The following AKAIN1 variants were observed in gnomAD, a reference collection of about 807,000 sequenced individuals.
The protein encoded by AKAIN1 is A-kinase anchor inhibitor 1, also known as A-kinase anchor protein inhibitor 1.
Under a neutral mutation model 3.7 loss-of-function variants are expected in AKAIN1, and 3 were observed. The ratio of observed to expected loss-of-function variants is 0.82; its 90% confidence interval spans 0.37 to 2.12. AKAIN1 has a LOEUF of 2.12. Ranked by LOEUF, AKAIN1 falls within the 30% of genes most tolerant of loss-of-function variation. The probability of loss-of-function intolerance (pLI) is 0.06; values close to 1 mark genes in which losing one functional copy is unlikely to be tolerated. For synonymous variants in AKAIN1, 31 were observed against 30.8 expected, an observed-to-expected ratio of 1.01 and a Z score of -0.02; for missense variants, 82 against 82.7, an observed-to-expected ratio of 0.99 and a Z score of 0.03.
At position 5,186,766 on chromosome 18, in the gene AKAIN1, C is replaced by T. The variant is rs1598316219; in HGVS notation, c.16+10272G>A. Among the ~76,000 whole-genome samples, 4 of 152,188 alleles carry T rather than the reference C, an allele frequency of 2.6e-5. No individual in the cohort carries two copies. In the South Asian group the frequency reaches 8.3e-4, roughly 32 times the overall value. On this transcript the variant is annotated intron_variant, in intron 1 of 1. Transcript: ENST00000434239. ...TGTTTTAAAGTGCATGTAAAACATT[C>T]ACCAAGATAGACCACATTCTGGCTT...
intron 1 of AKAIN1, among the ~76,000 whole-genome samples, chr18:5,179,976 C>T (rs1415102598): frequency 2.0e-5 from 3 of 152,104 alleles, no homozygotes; most frequent in African/African-American, 7.2e-5. Flanking sequence ...CCATGCTTGG[C>T]CCAGTGGTGC....
At chr18:5,146,200 T>G (rs2071048345) in intron 1 of AKAIN1, among the ~76,000 whole-genome samples, 1 of 152,188 alleles carries the variant, frequency 6.6e-6, no homozygotes. Context: ...AGAGACAGTT[T>G]CTAGAAAAGA....
At chr18:5,166,290 A>G (rs2071167401) in intron 1 of AKAIN1, among the ~76,000 whole-genome samples, 1 of 151,998 alleles carries the variant, frequency 6.6e-6, no homozygotes, top group African/African-American at 2.4e-5. Context: ...CTGTTTTGTC[A>G]CAACAAAATG....
intron 1 of AKAIN1, among the ~76,000 whole-genome samples, chr18:5,167,589 A>G (rs1204292835): frequency 6.6e-6 from 1 of 152,078 alleles, no homozygotes; most frequent in Non-Finnish European, 1.5e-5. Context: ...TGAGTTTATA[A>G]CAGAGGTGAT....
chr18:5,172,406 A>C (rs292325), intron 1 of AKAIN1, among the ~76,000 whole-genome samples: 1 of 152,066 alleles, frequency 6.6e-6, no homozygotes, highest in African/African-American at 2.4e-5. Flanking sequence ...AAAATATCTC[A>C]TGTAGCCCAT....
intron 1 of AKAIN1, among the ~76,000 whole-genome samples, chr18:5,195,825 T>C (rs2071344218): frequency 6.6e-6 from 1 of 152,072 alleles, no homozygotes; most frequent in Admixed American, 6.5e-5. Context: ...TTGAGTTATT[T>C]AGGATGGGCA....
rs76690663 is a variant in AKAIN1, at chr18:5,170,068, G to T, written c.17-24313C>A. Among the ~76,000 whole-genome samples, 541 of 152,206 alleles carry T rather than the reference G, an allele frequency of 3.6e-3. 3 individuals carry two copies. The highest frequency in any genetic ancestry group is 0.012 in the African/African-American group (518 of 41,552). On this transcript the variant is annotated intron_variant, in intron 1 of 1. Transcript: ENST00000434239. The stretch of plus-strand genomic sequence containing the variant: ...CATTTGGGATATTCAAAAATATTCT[G>T]ATTTTTAACAAAAATACTGCCTATC...
chr18:5,144,409 G>A lies in AKAIN1; in HGVS notation c.*1153C>T, dbSNP rs1476375965. ...TTTGTGAAGCCCAGGAAATGGGACT[G>A]TAGATACTCCAGAAATATGTGCATT... On this transcript the variant is annotated 3_prime_UTR_variant, in exon 2 of 2. Coordinates refer to ENST00000434239, the MANE Select transcript of AKAIN1 (RefSeq NM_001145194.2). 6.6e-6 allele frequency among the ~76,000 whole-genome samples: 1 copy of A among 152,202 alleles called. No individual in the cohort carries two copies. Among genetic ancestry groups the A allele is most frequent in the Non-Finnish European group, 1.5e-5 (1 of 68,036 alleles).
At chr18:5,171,223 A>G (rs886401092) in intron 1 of AKAIN1, among the ~76,000 whole-genome samples, 2 of 152,182 alleles carry the variant, frequency 1.3e-5, no homozygotes, top group African/African-American at 4.8e-5. Context: ...CTCTTAAACA[A>G]TATGCTATAC....
At chr18:5,149,029 GCT>G (rs2071065330) in intron 1 of AKAIN1, among the ~76,000 whole-genome samples, 1 of 152,180 alleles carries the variant, frequency 6.6e-6, no homozygotes, top group South Asian at 2.1e-4. Flanking sequence ...AACCCAGGTT[GCT>G]CTGTCTACCA....
chr18:5,165,586 A>G (rs548152517), intron 1 of AKAIN1, among the ~76,000 whole-genome samples: 7 of 152,164 alleles, frequency 4.6e-5, no homozygotes, highest in African/African-American at 1.4e-4. Context: ...GTCTGGTCCT[A>G]AAATCAGATG....
chr18:5,187,974 C>T (rs762782679), intron 1 of AKAIN1, among the ~76,000 whole-genome samples: 9 of 152,068 alleles, frequency 5.9e-5, no homozygotes, highest in Admixed American at 4.6e-4. Flanking sequence ...AATGGTAGGA[C>T]ATGCATAGGA....
chr18:5,189,605 T>C (rs931254738), intron 1 of AKAIN1, among the ~76,000 whole-genome samples: 1 of 152,192 alleles, frequency 6.6e-6, no homozygotes, highest in Non-Finnish European at 1.5e-5. Flanking sequence ...CTTGCTACTT[T>C]ATAACAAGGA....
chr18:5,188,780 CA>C (rs771854808), intron 1 of AKAIN1, among the ~76,000 whole-genome samples: 12 of 152,068 alleles, frequency 7.9e-5, no homozygotes, highest in Non-Finnish European at 1.2e-4. Context: ...AGAACTCCCC[CA>C]AACTCCCCTA....
chr18:5,192,883 C>G (rs1013529110), intron 1 of AKAIN1, among the ~76,000 whole-genome samples: 5 of 152,180 alleles, frequency 3.3e-5, no homozygotes, highest in African/African-American at 9.6e-5. Flanking sequence ...TTACATGAAT[C>G]TATACATATG....
At chr18:5,148,226 G>A (rs778418005) in intron 1 of AKAIN1, among the ~76,000 whole-genome samples, 4 of 152,172 alleles carry the variant, frequency 2.6e-5, no homozygotes, top group African/African-American at 7.2e-5. Flanking sequence ...TTGCTCTCTC[G>A]TGTAACAGTT....
At chr18:5,165,714 GGT>G (rs2071164119) in intron 1 of AKAIN1, among the ~76,000 whole-genome samples, 2 of 152,024 alleles carry the variant, frequency 1.3e-5, no homozygotes, top group African/African-American at 4.8e-5. Flanking sequence ...CAGGATAGCA[GGT>G]GTAGGCCTCA....
intron 1 of AKAIN1, among the ~76,000 whole-genome samples, chr18:5,163,976 T>C (rs1232594573): frequency 6.6e-6 from 1 of 152,052 alleles, no homozygotes; most frequent in Non-Finnish European, 1.5e-5. Flanking sequence ...ATAATACAAC[T>C]ATTATGCCTT....
chr18:5,185,933 G>A (rs144719251), intron 1 of AKAIN1, among the ~76,000 whole-genome samples: 2 of 152,216 alleles, frequency 1.3e-5, no homozygotes, highest in East Asian at 3.9e-4. Context: ...CAACCTAAAT[G>A]CCCATCAACA....
Sources: allele counts gnomAD v4.1 joint callset (sites outside exome capture counted in the v4.1 genomes callset), GRCh38; gene constraint gnomAD v4.1.1; transcripts MANE v1.5; gene names NCBI Gene and HGNC (gene_info 2026-07-23, HGNC 2026-07-21).